Variants in ATRX observed in about 807,000 individuals in gnomAD.
The protein encoded by ATRX is chromatin remodeler ATRX.
Under a neutral mutation model 172.6 loss-of-function variants are expected in ATRX, and 12 were observed. The ratio of observed to expected loss-of-function variants is 0.07; its 90% confidence interval spans 0.04 to 0.11. The LOEUF is 0.11. Among genes scored for constraint, ATRX ranks in the 10% least tolerant of loss-of-function variants. ATRX has a pLI of 1.00. For missense variants in ATRX, 1,368 were observed against 1,767.4 expected (o/e 0.77, Z 4.05); for synonymous variants, 674 against 594.7 (o/e 1.13, Z -1.94).
chrX:77,782,515 G>C (rs1457886361), intron 1 of ATRX, among the ~76,000 whole-genome samples: 1 of 110,018 alleles, frequency 9.1e-6, no homozygotes, highest in Non-Finnish European at 1.9e-5. Flanking sequence ...TTGGGAGGCA[G>C]AGGCGGGCAG....
chrX:77,720,906 A>C (rs2148768469), intron 1 of ATRX, among the ~76,000 whole-genome samples: 1 of 111,948 alleles, frequency 8.9e-6, no homozygotes, highest in East Asian at 2.8e-4. Flanking sequence ...TCCCTGATGA[A>C]CATCGATGCA....
At chrX:77,560,006 G>A (rs2064960336) in intron 28 of ATRX, among the ~76,000 whole-genome samples, 1 of 111,525 alleles carries the variant, frequency 9.0e-6, no homozygotes, top group African/African-American at 3.2e-5. Flanking sequence ...GAGGAAAAGT[G>A]TGCCTGTGCT....
At chrX:77,592,856 G>A (rs1197013010) in intron 26 of ATRX, among the ~76,000 whole-genome samples, 2 of 110,321 alleles carry the variant, frequency 1.8e-5, no homozygotes, top group Non-Finnish European at 3.8e-5. Flanking sequence ...TTTGAAGGGG[G>A]GTGAAGATGC....
intron 28 of ATRX, 67 bp from the exon 29 acceptor site, chrX:77,558,913 T>G: frequency 1.1e-6 from 1 of 916,850 alleles, no homozygotes; most frequent in African/African-American, 2.0e-5. Flanking sequence ...AATTACAATA[T>G]GACTTTTTGA....
At chrX:77,607,947 T>C (rs1557091717) in intron 22 of ATRX, among the ~76,000 whole-genome samples, 1 of 110,289 alleles carries the variant, frequency 9.1e-6, no homozygotes, top group African/African-American at 3.3e-5. Context: ...TATCCTGAAA[T>C]TTATAAGGAA....
At chrX:77,519,462 T>C (rs1230243975) in intron 34 of ATRX, among the ~76,000 whole-genome samples, 1 of 111,190 alleles carries the variant, frequency 9.0e-6, no homozygotes, top group African/African-American at 3.3e-5. Context: ...AGGCTGGGCA[T>C]GGTCACTCAC....
chrX:77,528,166 G>A (rs1238764879), intron 30 of ATRX, among the ~76,000 whole-genome samples: 2 of 110,233 alleles, frequency 1.8e-5, no homozygotes, highest in Non-Finnish European at 3.8e-5. Context: ...ACAAGGCACA[G>A]CGCAGCTGCC....
chrX:77,682,397 T>C lies in ATRX; in HGVS notation c.2859A>G (p.Thr953=), dbSNP rs782180867. 1.3e-5 allele frequency: 16 copies of C among 1,209,977 alleles called. No individual in the cohort carries two copies. In the East Asian group the frequency reaches 4.1e-4, roughly 31 times the overall value. ...ATAAGCCATCCTGTACTTTTTTACATGTTTTGGTTTTGAGATGCTTGCTCT... is the reference window on the plus strand; with the variant it reads ...ATAAGCCATCCTGTACTTTTTTACACGTTTTGGTTTTGAGATGCTTGCTCT... ...KEKSKHLKTK[T]CKKVQDGLSD... is the part of the protein sequence containing the mutation. The change falls in exon 9 of 35, where the codon ACA becomes ACG. Residue 953 remains threonine, a synonymous_variant. Coordinates refer to ENST00000373344, the MANE Select transcript of ATRX (RefSeq NM_000489.6).
chrX:77,599,712 C>T lies in ATRX; in HGVS notation c.5786+20G>A, dbSNP rs782150691. The T allele has an allele frequency of 5.3e-5, 64 of 1,198,574 alleles. No homozygotes were observed. The highest frequency in any genetic ancestry group is 6.7e-5 in the Non-Finnish European group (59 of 885,982). On this transcript the variant is annotated intron_variant, in intron 24 of 34. Transcript: ENST00000373344. ...TTAACTTTGTCAATACAGGATGGCA[C>T]GAAAAAGTATTCGATTTACTTTGTA...
chrX:77,734,585 G>T (rs782102227), intron 1 of ATRX, among the ~76,000 whole-genome samples: 1 of 110,677 alleles, frequency 9.0e-6, no homozygotes, highest in African/African-American at 3.3e-5. Context: ...TCAGGAGTTT[G>T]AGACCAGCCT....
At chrX:77,671,464 TAC>T (rs1483181124) in intron 10 of ATRX, among the ~76,000 whole-genome samples, 2 of 108,904 alleles carry the variant, frequency 1.8e-5, no homozygotes, top group Non-Finnish European at 3.8e-5. Flanking sequence ...TAATAATTCA[TAC>T]AGACTTATGT....
intron 19 of ATRX, among the ~76,000 whole-genome samples, chrX:77,628,309 T>C (rs1285283929): frequency 1.8e-5 from 2 of 112,932 alleles, no homozygotes; most frequent in Non-Finnish European, 3.7e-5. Context: ...AACATTCTTC[T>C]AAAAACAGTA....
At chrX:77,754,038 T>C (rs1184440222) in intron 1 of ATRX, among the ~76,000 whole-genome samples, 1 of 112,144 alleles carries the variant, frequency 8.9e-6, no homozygotes, top group African/African-American at 3.2e-5. Context: ...TGGAAGCATA[T>C]ACATTTAAAA....
chrX:77,567,755 C>T lies in ATRX; in HGVS notation c.6326+6495G>A, dbSNP rs782100288. ...ATTTATAGAACACTCCACCCAACAA[C>T]AGCAGAGTACATATTCTCTTCAAGG... On this transcript the variant is annotated intron_variant, in intron 28 of 34. Coordinates refer to ENST00000373344, the MANE Select transcript of ATRX (RefSeq NM_000489.6). Among the ~76,000 whole-genome samples the T allele has an allele frequency of 1.2e-4, 13 of 110,713 alleles. No homozygotes were observed. In the East Asian group the frequency reaches 3.4e-3, roughly 29 times the overall value.
intron 34 of ATRX, among the ~76,000 whole-genome samples, chrX:77,515,559 G>A (rs1292772701): frequency 3.6e-5 from 4 of 111,018 alleles, no homozygotes; most frequent in African/African-American, 9.8e-5. Flanking sequence ...CATTCATTAC[G>A]GAATGCCCCA....
chrX:77,667,102 T>G (rs2070285825), intron 10 of ATRX, among the ~76,000 whole-genome samples: 1 of 110,425 alleles, frequency 9.1e-6, no homozygotes, highest in South Asian at 3.8e-4. Flanking sequence ...CTTCTAAAAT[T>G]TGTATGTCCC....
At chrX:77,569,502 A>G (rs2148000971) in intron 28 of ATRX, among the ~76,000 whole-genome samples, 1 of 111,502 alleles carries the variant, frequency 9.0e-6, no homozygotes, top group South Asian at 3.8e-4. Context: ...TGATCTACTT[A>G]GAAAATCCCC....
chrX:77,726,782 A>G (rs2074061829), intron 1 of ATRX, among the ~76,000 whole-genome samples: 2 of 110,482 alleles, frequency 1.8e-5, no homozygotes, highest in African/African-American at 6.6e-5. Flanking sequence ...TAGCTAACTA[A>G]AATAAATGAT....
chrX:77,667,657 A>C (rs1181445581), intron 10 of ATRX, among the ~76,000 whole-genome samples: 3 of 112,021 alleles, frequency 2.7e-5, no homozygotes, highest in Non-Finnish European at 5.6e-5. Flanking sequence ...GTCACAATAC[A>C]TAAACCTACT....
Sources: allele counts gnomAD v4.1 joint callset (sites outside exome capture counted in the v4.1 genomes callset), GRCh38; gene constraint gnomAD v4.1.1; transcripts MANE v1.5; gene names NCBI Gene and HGNC (gene_info 2026-07-23, HGNC 2026-07-21).